Variants in MYH14 observed in about 807,000 individuals in gnomAD.
MYH14 encodes myosin heavy chain 14.
Under a neutral mutation model 255.5 loss-of-function variants are expected in MYH14, and 123 were observed. That is an observed-to-expected ratio of 0.48 (90% confidence interval 0.42 to 0.56). The LOEUF (loss-of-function observed/expected upper bound fraction) is 0.56, where lower values mean the gene tolerates loss of function less well. Ranked by LOEUF, MYH14 falls within the 20% of genes least tolerant of loss-of-function variation. MYH14 has a pLI of 0.00. For synonymous variants in MYH14, 1,095 were observed against 1,161.2 expected, an observed-to-expected ratio of 0.94 and a Z score of 1.16; for missense variants, 2,423 against 2,802.3, an observed-to-expected ratio of 0.86 and a Z score of 3.06.
chr19:50,268,126 G>A, intron 23 of MYH14, 35 bp from the exon 24 acceptor site: 1 of 1,528,274 alleles, frequency 6.5e-7, no homozygotes, highest in Non-Finnish European at 8.8e-7. Context: ...TGGGAGCACT[G>A]CCTGCTGACC....
chr19:50,286,147 C>T, intron 33 of MYH14: 1 of 188,414 alleles, frequency 5.3e-6, no homozygotes, highest in Admixed American at 5.6e-5. Flanking sequence ...GTTTATTTGC[C>T]AATTACTGTG....
intron 7 of MYH14, 47 bp downstream of exon 7, chr19:50,225,724 G>A (rs2123212925): frequency 6.8e-7 from 1 of 1,476,684 alleles, no homozygotes; most frequent in Non-Finnish European, 9.4e-7. Flanking sequence ...GGATACAGGA[G>A]CTGGGAACCT....
At chr19:50,303,622 C>T (rs2036564930) in intron 40 of MYH14, among the ~76,000 whole-genome samples, 1 of 148,732 alleles carries the variant, frequency 6.7e-6, no homozygotes, top group Non-Finnish European at 1.5e-5. Flanking sequence ...CTGGGACCAT[C>T]TGTTGTATCA....
chr19:50,260,758 T>C (rs559833632), intron 20 of MYH14, 43 bp downstream of exon 20: 8 of 1,452,128 alleles, frequency 5.5e-6, no homozygotes, highest in South Asian at 2.3e-5. Flanking sequence ...CGTGTGTGTG[T>C]GTGCGTGCAT....
rs1473761596 is a variant in MYH14, at chr19:50,230,634, C to A, written c.973+11C>A. ...GAGAGCAGCTCAAAGGTCAGTGCCG[C>A]CCCGTCCTACCCTGCTCACCCGGGA... On this transcript the variant is annotated intron_variant, in intron 9 of 42. Coordinates refer to ENST00000642316, the MANE Select transcript of MYH14 (RefSeq NM_001145809.2). The surrounding 1 kb of genome is among the most constrained non-coding windows in gnomAD (Gnocchi z 4.7). 1.9e-6 allele frequency: 3 copies of A among 1,553,262 alleles called. No individual in the cohort carries two copies. The highest frequency in any genetic ancestry group is 1.7e-6 in the Non-Finnish European group (2 of 1,147,908).
chr19:50,215,021 G>C (rs1346680386), intron 2 of MYH14, among the ~76,000 whole-genome samples: 2 of 152,046 alleles, frequency 1.3e-5, no homozygotes, highest in East Asian at 1.9e-4. Flanking sequence ...AGGGGAGCGG[G>C]GGGGCAGGTC....
At chr19:50,210,330 T>G (rs2032104262) in intron 1 of MYH14, 33 bp from the exon 2 acceptor site, 1 of 1,550,356 alleles carries the variant, frequency 6.5e-7, no homozygotes, top group Non-Finnish European at 8.7e-7. Context: ...CGGAGCCCCA[T>G]CTGACCCCCA....
At chr19:50,308,437 G>A in intron 41 of MYH14, 2 of 152,480 alleles carry the variant, frequency 1.3e-5, no homozygotes, top group Non-Finnish European at 2.9e-5. Flanking sequence ...CCAAGTGCCA[G>A]GATGGTATCT....
At chr19:50,251,381 C>G (rs1296113362) in intron 15 of MYH14, among the ~76,000 whole-genome samples, 1 of 152,014 alleles carries the variant, frequency 6.6e-6, no homozygotes, top group Non-Finnish European at 1.5e-5. Context: ...GACTGAGAAA[C>G]AGTTTCGAGG....
chr19:50,270,309 A>G (rs1002420796), intron 24 of MYH14, among the ~76,000 whole-genome samples: 2 of 152,180 alleles, frequency 1.3e-5, no homozygotes, highest in Non-Finnish European at 2.9e-5. Flanking sequence ...ACCTGAAGTT[A>G]GGAGTTCAAG....
rs1357115821 is a variant in MYH14, at chr19:50,230,974, GCTC to G, written c.973+357_973+359del. On this transcript the variant is annotated intron_variant, in intron 9 of 42. Coordinates refer to ENST00000642316, the MANE Select transcript of MYH14 (RefSeq NM_001145809.2). The surrounding 1 kb of genome is among the most constrained non-coding windows in gnomAD (Gnocchi z 4.7). ...GGCGGGTGACTCCGGCTTTGCTGAGGCTCCTCCTGGTTCCTGACGACGCTGGTT... is the reference window on the plus strand; with the variant it reads ...GGCGGGTGACTCCGGCTTTGCTGAGGCTCCTGGTTCCTGACGACGCTGGTT... 2 of 291,468 alleles carry G rather than the reference GCTC, an allele frequency of 6.9e-6. No individual in the cohort carries two copies. Among genetic ancestry groups the G allele is most frequent in the Non-Finnish European group, 1.3e-5 (2 of 150,660 alleles). The allele number at this position is 291,468 out of a possible 1,614,324, so 18.1% of individuals were successfully genotyped here.
At position 50,210,514 on chromosome 19, in the gene MYH14, G is replaced by T. The variant is rs1389227281; in HGVS notation, c.149G>T (p.Trp50Leu). ...TCGGGCACCTCCCCGCAGGTGGAGT[G>T]GACGGCCCGGCGTCTCGTGTGGGTG... The part of the protein sequence containing the change: ...PGSGTSPQVE[W>L]TARRLVWVPS... Residue 50 changes from tryptophan to leucine, a missense_variant, in exon 2 of 43, where the codon TGG (tryptophan) becomes TTG (leucine). Physicochemically the swap from Trp to Leu is moderately conservative, Grantham distance 61 (BLOSUM62 -2). Transcript: ENST00000642316. 1 of 1,570,936 alleles carries T rather than the reference G, an allele frequency of 6.4e-7. No homozygotes were observed. Among genetic ancestry groups the T allele is most frequent in the Non-Finnish European group, 8.6e-7 (1 of 1,160,208 alleles).
intron 3 of MYH14, among the ~76,000 whole-genome samples, chr19:50,219,017 T>TTA (rs1325748848): frequency 2.0e-5 from 3 of 148,044 alleles, no homozygotes; most frequent in Admixed American, 6.7e-5. Flanking sequence ...TATATATTTT[T>TTA]TATATATACA....
Position 50,276,672 on chromosome 19 carries a change from G to T in MYH14, c.3681-85G>T. ...AGGCCCTCATATTTTAAGGAAACATGAAAAGGAGAAACAACCAGCTCCCCC... is the reference window on the plus strand; with the variant it reads ...AGGCCCTCATATTTTAAGGAAACATTAAAAGGAGAAACAACCAGCTCCCCC... On this transcript the variant is annotated intron_variant, in intron 28 of 42. Transcript: ENST00000642316. The surrounding 1 kb of genome is among the most constrained non-coding windows in gnomAD (Gnocchi z 4.3). 3 of 1,568,362 alleles carry T rather than the reference G, an allele frequency of 1.9e-6. No individual in the cohort carries two copies. In the South Asian group the frequency reaches 3.3e-5, roughly 17 times the overall value.
chr19:50,239,345 T>A (rs1004446743), intron 10 of MYH14, among the ~76,000 whole-genome samples: 1 of 152,106 alleles, frequency 6.6e-6, no homozygotes, highest in East Asian at 1.9e-4. Context: ...TTCCTGGTCA[T>A]CCATCTCTTT....
rs993200717 is a variant in MYH14 at position 50,221,354 on chromosome 19, C to G, written c.563-1729C>G. ...GTGAACCTGTGTGCATATAGTCCCCCATACCAGGCTGCCAAGTCTGAGGTC... is the reference window on the plus strand; with the variant it reads ...GTGAACCTGTGTGCATATAGTCCCCGATACCAGGCTGCCAAGTCTGAGGTC... On this transcript the variant is annotated intron_variant, in intron 3 of 42. Coordinates refer to ENST00000642316, the MANE Select transcript of MYH14 (RefSeq NM_001145809.2). The surrounding 1 kb of genome is among the most constrained non-coding windows in gnomAD (Gnocchi z 5.3). Among the ~76,000 whole-genome samples the G allele has an allele frequency of 6.6e-6, 1 of 152,160 alleles. No homozygotes were observed. Among genetic ancestry groups the G allele is most frequent in the Admixed American group, 6.5e-5 (1 of 15,282 alleles).
chr19:50,227,668 C>T (rs575667215), intron 8 of MYH14, among the ~76,000 whole-genome samples: 6 of 152,220 alleles, frequency 3.9e-5, no homozygotes, highest in South Asian at 2.1e-4. Flanking sequence ...CATCTCAGGA[C>T]GGCTGTTTTC....
Position 50,216,612 on chromosome 19 carries a change from G to GA in MYH14, c.406-991dup, listed in dbSNP as rs1161235884. On this transcript the variant is annotated intron_variant, in intron 2 of 42. Transcript: ENST00000642316. ...GAGTAAGACCCTGTCTCAAAGAGGG[G>GA]AAAAAAAAAAAAGACTAGGCATGGT... Among the ~76,000 whole-genome samples, 116 of 137,786 alleles carry GA rather than the reference G, an allele frequency of 8.4e-4. 1 individual carries two copies. Among genetic ancestry groups the GA allele is most frequent in the Admixed American group, 3.6e-3 (50 of 13,754 alleles). The allele number at this position is 137,786 out of a possible 152,430, so 90.4% of individuals were successfully genotyped here. A position where few individuals can be genotyped will look rare whatever the true frequency, so the allele number is the denominator to read the frequency against.
chr19:50,276,904 G>T lies in MYH14; in HGVS notation c.3825+3G>T, dbSNP rs1414745196. 2 of 1,606,376 alleles carry T rather than the reference G, an allele frequency of 1.2e-6. No homozygotes were observed. Among genetic ancestry groups the T allele is most frequent in the Non-Finnish European group, 8.5e-7 (1 of 1,177,124 alleles). On this transcript the variant is annotated splice_donor_region_variant and intron_variant, in intron 29 of 42. Coordinates refer to ENST00000642316, the MANE Select transcript of MYH14 (RefSeq NM_001145809.2). The surrounding 1 kb of genome is among the most constrained non-coding windows in gnomAD (Gnocchi z 4.3). ...AGCAGCTGGAGCAGGCCCGGAGGGT[G>T]GGTTGGGGCAGGGGGACAGGGCAGG...
Sources: gnomAD v4.1 joint callset for allele counts (sites outside exome capture counted in the v4.1 genomes callset) on GRCh38, gnomAD v4.1.1 for gene constraint, Gnocchi (gnomAD v3.1) non-coding constraint, MANE v1.5 for transcripts, NCBI Gene and HGNC (gene_info 2026-07-23, HGNC 2026-07-21) for gene names.